Variants in LIFR observed in about 807,000 individuals in gnomAD.
LIFR encodes LIF receptor subunit alpha, also known as leukemia inhibitory factor receptor.
Under a neutral mutation model 122.2 loss-of-function variants are expected in LIFR, and 84 were observed. The ratio of observed to expected loss-of-function variants is 0.69; its 90% CI spans 0.58 to 0.82. LIFR has a LOEUF of 0.82. Ranked by LOEUF, LIFR falls within the 40% of genes least tolerant of loss-of-function variation. The probability of loss-of-function intolerance (pLI) is 0.00; values close to 1 mark genes in which losing one functional copy is unlikely to be tolerated. For synonymous variants in LIFR, 422 were observed against 434.7 expected, an observed-to-expected ratio of 0.97 and a Z score of 0.36; for missense variants, 1,294 against 1,311.6, an observed-to-expected ratio of 0.99 and a Z score of 0.21.
chr5:38,497,482 A>G (rs1744944163), intron 12 of LIFR, among the ~76,000 whole-genome samples: 1 of 152,272 alleles, frequency 6.6e-6, no homozygotes, highest in Non-Finnish European at 1.5e-5. Context: ...AAACTTTTAA[A>G]ACTATCCAGA....
At chr5:38,599,690 T>A (rs1020540786), upstream of LIFR, among the ~76,000 whole-genome samples, 2 of 152,210 alleles carry the variant, frequency 1.3e-5, no homozygotes, top group Admixed American at 1.3e-4. Flanking sequence ...GACTCCTTGG[T>A]GTTGGGGACA....
intron 5 of LIFR, among the ~76,000 whole-genome samples, chr5:38,521,993 C>A (rs752385854): frequency 2.6e-5 from 4 of 152,148 alleles, no homozygotes; most frequent in African/African-American, 9.7e-5. Context: ...TACATGTAGA[C>A]ACTAGCTGTG....
intron 5 of LIFR, among the ~76,000 whole-genome samples, chr5:38,513,768 TCAA>T (rs1318353929): frequency 1.3e-5 from 2 of 152,066 alleles, no homozygotes; most frequent in African/African-American, 4.8e-5. Flanking sequence ...AAGGCCCCCA[TCAA>T]CAAGTCCTAT....
chr5:38,520,704 A>C (rs2112534972), intron 5 of LIFR, among the ~76,000 whole-genome samples: 1 of 152,260 alleles, frequency 6.6e-6, no homozygotes, highest in African/African-American at 2.4e-5. Context: ...TTCCCCAACT[A>C]TGTATGTTCT....
intron 1 of LIFR, among the ~76,000 whole-genome samples, chr5:38,551,749 G>A (rs1748215000): frequency 6.6e-6 from 1 of 152,162 alleles, no homozygotes; most frequent in South Asian, 2.1e-4. Context: ...CTGTGCAAAA[G>A]TATAGAAAAA....
At chr5:38,593,304 A>C (rs889524580) in intron 1 of LIFR, among the ~76,000 whole-genome samples, 28 of 152,308 alleles carry the variant, frequency 1.8e-4, no homozygotes, top group African/African-American at 4.6e-4. Context: ...ATGTTAATGA[A>C]TTCTGTTAGA....
intron 7 of LIFR, among the ~76,000 whole-genome samples, chr5:38,508,582 C>CT (rs1194349104): frequency 1.5e-3 from 214 of 145,098 alleles, no homozygotes; most frequent in Non-Finnish European, 1.7e-3. Flanking sequence ...ATTTCTTTTT[C>CT]TTTTTTTTTT....
chr5:38,486,920 G>C (rs1164418177), intron 16 of LIFR, among the ~76,000 whole-genome samples: 1 of 152,172 alleles, frequency 6.6e-6, no homozygotes, highest in Non-Finnish European at 1.5e-5. Context: ...ACATTGCTTG[G>C]TGTCATCATG....
chr5:38,541,435 G>C (rs748946446), intron 1 of LIFR, among the ~76,000 whole-genome samples: 1 of 152,120 alleles, frequency 6.6e-6, no homozygotes, highest in African/African-American at 2.4e-5. Flanking sequence ...GAAAAGCAAG[G>C]ATCAGAAACA....
At chr5:38,487,033 C>CA (rs1283104556) in intron 16 of LIFR, among the ~76,000 whole-genome samples, 1 of 152,164 alleles carries the variant, frequency 6.6e-6, no homozygotes, top group South Asian at 2.1e-4. Flanking sequence ...AATGTACACT[C>CA]AGATTTTCCA....
At chr5:38,511,699 T>C in intron 6 of LIFR, 91 bp downstream of exon 6, 1 of 1,240,880 alleles carries the variant, frequency 8.1e-7, no homozygotes, top group Non-Finnish European at 1.2e-6. Context: ...CTGAATGAGG[T>C]TATGAGAAGT....
At chr5:38,597,129 T>C (rs1208898233), upstream of LIFR, among the ~76,000 whole-genome samples, 1 of 152,204 alleles carries the variant, frequency 6.6e-6, no homozygotes, top group Non-Finnish European at 1.5e-5. Context: ...GCAGACTCCC[T>C]GTAAACAGGA....
chr5:38,549,970 A>C (rs964329618), intron 1 of LIFR, among the ~76,000 whole-genome samples: 2 of 152,186 alleles, frequency 1.3e-5, no homozygotes. Flanking sequence ...CACTGCGAGG[A>C]GAAAGGTATC....
intron 1 of LIFR, among the ~76,000 whole-genome samples, chr5:38,571,961 T>C (rs1749228617): frequency 6.6e-6 from 1 of 152,204 alleles, no homozygotes; most frequent in South Asian, 2.1e-4. Context: ...GTTTCTGTGG[T>C]TCATCATCCA....
At chr5:38,497,469 G>A (rs1166030503) in intron 12 of LIFR, among the ~76,000 whole-genome samples, 1 of 152,134 alleles carries the variant, frequency 6.6e-6, no homozygotes, top group Non-Finnish European at 1.5e-5. Flanking sequence ...TTTTTCAGGA[G>A]CAAAACTTTT....
chr5:38,511,271 T>C (rs943292600), intron 6 of LIFR, among the ~76,000 whole-genome samples: 2 of 152,182 alleles, frequency 1.3e-5, no homozygotes, highest in Non-Finnish European at 2.9e-5. Flanking sequence ...ATCTCTACAA[T>C]GACTACCAGC....
chr5:38,490,155 T>C (rs949291399), intron 15 of LIFR, 35 bp downstream of exon 15: 5 of 920,742 alleles, frequency 5.4e-6, no homozygotes, highest in Non-Finnish European at 1.7e-6. Flanking sequence ...TCATGTTGCC[T>C]TGAGCTCTTA....
chr5:38,502,563 T>A (rs1745239411), intron 11 of LIFR, 74 bp downstream of exon 11: 2 of 1,312,024 alleles, frequency 1.5e-6, no homozygotes, highest in African/African-American at 2.9e-5. Flanking sequence ...CCGGCCAACA[T>A]CTTCTTTTTA....
rs921002831 is a variant in LIFR at position 38,556,643 on chromosome 5, G to A, written c.-329C>T. 1 of 147,438 alleles carries A rather than the reference G, an allele frequency of 6.8e-6. No homozygotes were observed. Among genetic ancestry groups the A allele is most frequent in the Non-Finnish European group, 1.5e-5 (1 of 66,278 alleles). 9.1% of individuals were successfully genotyped at this position (147,438 alleles called of 1,614,324 possible). A position where few individuals can be genotyped will look rare whatever the true frequency, so the allele number is the denominator to read the frequency against. On this transcript the variant is annotated 5_prime_UTR_variant, in exon 1 of 20. Transcript: ENST00000453190. ...GCCACGGCCGAGTCGCTCCAGCCGG[G>A]ACTGCGGCGCGCGGGGGCGGCGCCT...
Sources: gnomAD v4.1 joint callset for allele counts (sites outside exome capture counted in the v4.1 genomes callset) on GRCh38, gnomAD v4.1.1 for gene constraint, MANE v1.5 for transcripts, NCBI Gene and HGNC (gene_info 2026-07-23, HGNC 2026-07-21) for gene names.